Variants in BTAF1 observed in about 807,000 individuals in gnomAD.
The protein encoded by BTAF1 is TATA-binding protein-associated factor 172.
BTAF1 carries 38 observed loss-of-function variants against 227.1 expected under a neutral mutation model. The ratio of observed to expected loss-of-function variants is 0.17; its 90% CI spans 0.13 to 0.22. BTAF1 has a LOEUF of 0.22. Ranked by LOEUF, BTAF1 falls within the 10% of genes least tolerant of loss-of-function variation. The pLI is 1.00. For synonymous variants in BTAF1, 742 were observed against 751.9 expected, an observed-to-expected ratio of 0.99 and a Z score of 0.21; for missense variants, 1,598 against 2,204.0, an observed-to-expected ratio of 0.73 and a Z score of 5.51.
At chr10:91,945,233 T>C (rs1845286193) in intron 4 of BTAF1, among the ~76,000 whole-genome samples, 1 of 152,166 alleles carries the variant, frequency 6.6e-6, no homozygotes, top group African/African-American at 2.4e-5. Context: ...CGTATATCAG[T>C]ACTTTTTTTT....
intron 19 of BTAF1, among the ~76,000 whole-genome samples, chr10:91,986,800 A>G (rs1401333128): frequency 6.6e-6 from 1 of 152,140 alleles, no homozygotes; most frequent in African/African-American, 2.4e-5. Context: ...GACTTGGGCT[A>G]GAAGATAAGC....
chr10:91,941,632 C>G (rs1423196659), intron 3 of BTAF1, among the ~76,000 whole-genome samples: 2 of 152,114 alleles, frequency 1.3e-5, no homozygotes, highest in African/African-American at 4.8e-5. Context: ...TCAGCCTGTT[C>G]CTCAGGTATG....
Position 91,957,340 on chromosome 10 carries a change from A to G in BTAF1, c.900+47A>G, listed in dbSNP as rs766397994. On this transcript the variant is annotated intron_variant, in intron 8 of 37. Coordinates refer to ENST00000265990, the MANE Select transcript of BTAF1 (RefSeq NM_003972.3). ...TTTTCTCAGCTCTATTTTCTGTGCTAATGAAGGGAACAATGTCAAGAGCAA... is the reference window on the plus strand; with the variant it reads ...TTTTCTCAGCTCTATTTTCTGTGCTGATGAAGGGAACAATGTCAAGAGCAA... 30 of 1,477,220 alleles carry G rather than the reference A, an allele frequency of 2.0e-5. No individual in the cohort carries two copies. In the African/African-American group the frequency reaches 3.3e-4, roughly 16 times the overall value. 91.5% of individuals were successfully genotyped at this position (1,477,220 alleles called of 1,614,324 possible). A position where few individuals can be genotyped will look rare whatever the true frequency, so the allele number is the denominator to read the frequency against.
intron 25 of BTAF1, among the ~76,000 whole-genome samples, chr10:92,007,321 C>T (rs1005950093): frequency 3.4e-5 from 5 of 146,002 alleles, no homozygotes. Context: ...CAGGTTCAAG[C>T]GATTCTCCTG....
rs941934406 is a variant in BTAF1, at chr10:91,962,609, T to C, written c.1335T>C (p.Asp445=). 2 of 1,611,344 alleles carry C rather than the reference T, an allele frequency of 1.2e-6. No homozygotes were observed. The highest frequency in any genetic ancestry group is 1.7e-6 in the Non-Finnish European group (2 of 1,178,368). The change falls in exon 12 of 38, where the codon GAT becomes GAC. Residue 445 remains aspartate (D), a synonymous_variant. Coordinates refer to ENST00000265990, the MANE Select transcript of BTAF1 (RefSeq NM_003972.3). ...AAGGACTCCAGGATCTTGATGATGA[T>C]GTCAGAGCTGTTGCTGCAGCATCAT... is the stretch of plus-strand genomic sequence containing the variant. ...IIEGLQDLDD[D]VRAVAAASLV...
intron 19 of BTAF1, among the ~76,000 whole-genome samples, chr10:91,985,981 G>A (rs1011230195): frequency 2.0e-5 from 3 of 150,468 alleles, no homozygotes; most frequent in African/African-American, 7.3e-5. Flanking sequence ...TAATTTATCA[G>A]TTGTTTTCTT....
intron 10 of BTAF1, 30 bp downstream of exon 10, chr10:91,959,910 A>G (rs751866660): frequency 1.2e-6 from 2 of 1,601,650 alleles, no homozygotes; most frequent in Non-Finnish European, 1.7e-6. Context: ...GGCTTTGCCC[A>G]ATCAAATTTC....
intron 23 of BTAF1, among the ~76,000 whole-genome samples, chr10:91,994,891 ACT>A (rs1368596628): frequency 6.6e-6 from 1 of 152,154 alleles, no homozygotes; most frequent in Non-Finnish European, 1.5e-5. Context: ...TGAGGAAAGG[ACT>A]CTGATGACAC....
chr10:91,972,182 T>C (rs1001944078), intron 14 of BTAF1, among the ~76,000 whole-genome samples: 1 of 152,212 alleles, frequency 6.6e-6, no homozygotes, highest in Non-Finnish European at 1.5e-5. Flanking sequence ...CCTACCACTA[T>C]ATTAGAATTA....
chr10:91,926,717 A>C (rs1328062181), intron 1 of BTAF1, among the ~76,000 whole-genome samples: 1 of 152,240 alleles, frequency 6.6e-6, no homozygotes, highest in East Asian at 1.9e-4. Context: ...TTTATGTATC[A>C]ATGTATTTGG....
At chr10:92,011,006 A>G (rs1166382590) in intron 28 of BTAF1, 67 bp from the exon 29 acceptor site, 6 of 1,175,188 alleles carry the variant, frequency 5.1e-6, no homozygotes, top group Admixed American at 3.9e-5. Flanking sequence ...AGCACTTTAT[A>G]CAAATGGTAG....
intron 22 of BTAF1, 91 bp downstream of exon 22, chr10:91,993,938 C>T: frequency 1.0e-6 from 1 of 1,001,614 alleles, no homozygotes; most frequent in Non-Finnish European, 1.3e-6. Flanking sequence ...GCCTCTATGC[C>T]TCTACCTGTT....
chr10:91,966,339 A>G (rs1015633217), intron 13 of BTAF1, among the ~76,000 whole-genome samples: 1 of 152,320 alleles, frequency 6.6e-6, no homozygotes, highest in South Asian at 2.1e-4. Flanking sequence ...ATTACATTGG[A>G]AAGTCCTAAC....
intron 8 of BTAF1, 60 bp downstream of exon 8, chr10:91,957,353 A>G (rs1290258793): frequency 6.5e-6 from 9 of 1,392,114 alleles, no homozygotes; most frequent in Admixed American, 1.7e-5. Context: ...GAAGGGAACA[A>G]TGTCAAGAGC....
chr10:92,001,969 C>T (rs1322415621), intron 25 of BTAF1, among the ~76,000 whole-genome samples: 1 of 109,992 alleles, frequency 9.1e-6, no homozygotes, highest in African/African-American at 3.3e-5. Flanking sequence ...AAAAAAAAAC[C>T]ATATATATAT....
At chr10:92,025,312 A>G (rs1851420769) in intron 35 of BTAF1, among the ~76,000 whole-genome samples, 1 of 152,050 alleles carries the variant, frequency 6.6e-6, no homozygotes, top group Admixed American at 6.5e-5. Context: ...TAAAATCTCC[A>G]TCCTAATCCC....
chr10:92,003,306 A>G (rs1038683596), intron 25 of BTAF1, among the ~76,000 whole-genome samples: 2 of 152,156 alleles, frequency 1.3e-5, no homozygotes, highest in African/African-American at 2.4e-5. Flanking sequence ...TGTATTTATC[A>G]TTAACTGTAG....
intron 4 of BTAF1, among the ~76,000 whole-genome samples, chr10:91,945,106 A>C (rs975003139): frequency 2.3e-4 from 35 of 152,114 alleles, no homozygotes; most frequent in African/African-American, 8.0e-4. Flanking sequence ...CATTTCTCGG[A>C]ATGTACTCAT....
chr10:91,967,837 C>T lies in BTAF1; in HGVS notation c.1650+1080C>T, dbSNP rs183930312. 1.5e-3 allele frequency among the ~76,000 whole-genome samples: 235 copies of T among 152,158 alleles called. No homozygotes were observed. The Middle Eastern group carries it at 0.044, about 29-fold the overall frequency. ...ATTTTATGTAGACCCTTTGAAGTTA[C>T]CAAATTTTTTATCTTCATATCATTC... On this transcript the variant is annotated intron_variant, in intron 14 of 37. Transcript: ENST00000265990.
Sources: gnomAD v4.1 joint callset for allele counts (sites outside exome capture counted in the v4.1 genomes callset) on GRCh38, gnomAD v4.1.1 for gene constraint, MANE v1.5 for transcripts, NCBI Gene and HGNC (gene_info 2026-07-23, HGNC 2026-07-21) for gene names.